Variants in GHDC observed in about 807,000 individuals in gnomAD.
GHDC encodes GH3 domain-containing protein.
Under a neutral mutation model 51.5 loss-of-function variants are expected in GHDC, and 39 were observed. The ratio of observed to expected loss-of-function variants is 0.76; its 90% confidence interval spans 0.59 to 0.99. The LOEUF is 0.99. Ranked by LOEUF, GHDC falls within the 50% of genes least tolerant of loss-of-function variation. The probability of loss-of-function intolerance (pLI) is 0.00; values close to 1 mark genes in which losing one functional copy is unlikely to be tolerated. For synonymous variants in GHDC, 282 were observed against 305.2 expected (o/e 0.92, Z 0.79); for missense variants, 610 against 672.8 (o/e 0.91, Z 1.03).
rs376684827 is a variant in GHDC at position 42,191,143 on chromosome 17, G to A, written c.957C>T (p.Pro319=). The A allele has an allele frequency of 1.3e-6, 2 of 1,551,312 alleles. No homozygotes were observed. Among genetic ancestry groups the A allele is most frequent in the African/African-American group, 1.4e-5 (1 of 71,896 alleles). ...HGLYLLPPGA[P]FIELLPVKEG... ...CCTTGACTGGGAGCAGCTCGATAAAGGGGGCCCCAGGGGGCAGAAGGTAGA... is the reference window on the plus strand; with the variant it reads ...CCTTGACTGGGAGCAGCTCGATAAAAGGGGCCCCAGGGGGCAGAAGGTAGA... Residue 319 remains proline, a synonymous_variant, in exon 6 of 10, where the codon CCC becomes CCT. Transcript: ENST00000587427.
At position 42,190,896 on chromosome 17, in the gene GHDC, G is replaced by A. The variant is rs367553148; in HGVS notation, c.1090C>T (p.Leu364=). The change falls in exon 7 of 10, where the codon CTG becomes TTG. Residue 364 remains leucine, a synonymous_variant. Coordinates refer to ENST00000587427, the MANE Select transcript of GHDC (RefSeq NM_032484.5). ...CCAACCACTCGCACCACATCACCCA[G>A]GCGGCACCTGATGGGGTGCAAGTGG... ...TDRASLTRCR[L]GDVVRVVGAY... 4.4e-6 allele frequency: 7 copies of A among 1,607,260 alleles called. No individual in the cohort carries two copies. Among genetic ancestry groups the A allele is most frequent in the African/African-American group, 4.0e-5 (3 of 74,458 alleles).
chr17:42,192,996 CA>C lies in GHDC; in HGVS notation c.296del (p.Leu99ArgfsTer40). The C allele has an allele frequency of 6.2e-7, 1 of 1,614,028 alleles. No homozygotes were observed. The highest frequency in any genetic ancestry group is 8.5e-7 in the Non-Finnish European group (1 of 1,180,018). Reference protein sequence around the residue: ...DISTFRNHLPLTKASQTQQED... With the variant: ...DISTFRNHLPXTKASQTQQED... ...CCTGCTGGGTCTGGCTGGCCTTGGT[CA>C]GAGGGAGATGATTCCGGAAGGTGCT... On this transcript the variant is annotated frameshift_variant, in exon 4 of 10. Transcript: ENST00000587427. LOFTEE classifies it high-confidence loss of function.
Position 42,192,993 on chromosome 17 carries a change from G to C in GHDC, c.300C>G (p.Thr100=), listed in dbSNP as rs747532592. Residue 100 remains threonine (T), a synonymous_variant, in exon 4 of 10, where the codon ACC becomes ACG. Transcript: ENST00000587427. ...CTTCCTGCTGGGTCTGGCTGGCCTT[G>C]GTCAGAGGGAGATGATTCCGGAAGG... is the stretch of plus-strand genomic sequence containing the variant. ...ISTFRNHLPL[T]KASQTQQEDS... is the part of the protein sequence containing the mutation. 2 of 1,614,032 alleles carry C rather than the reference G, an allele frequency of 1.2e-6. No individual in the cohort carries two copies. Among genetic ancestry groups the C allele is most frequent in the African/African-American group, 1.3e-5 (1 of 74,912 alleles).
In GHDC at chr17:42,189,786, A is replaced by C; in HGVS notation, c.1510T>G (p.Ser504Ala). ...ALRAALAACP[S>A]SPFPPAMPRV... ...GGCATCGCAGGGGGGAAGGGGGAGG[A>C]GGGGCAGGCAGCGAGGGCTGCCCGG... The change falls in exon 10 of 10, where the codon TCC (serine) becomes GCC (alanine). Residue 504 changes from serine (S) to alanine (A), a missense_variant. Ser to Ala is a moderately conservative substitution (Grantham distance 99, BLOSUM62 1). Coordinates refer to ENST00000587427, the MANE Select transcript of GHDC (RefSeq NM_032484.5). 1 of 1,541,912 alleles carries C rather than the reference A, an allele frequency of 6.5e-7. No homozygotes were observed. Among genetic ancestry groups the C allele is most frequent in the Admixed American group, 2.0e-5 (1 of 49,040 alleles).
rs756071072 is a variant in GHDC at position 42,192,569 on chromosome 17, C to A, written c.561G>T (p.Leu187=). Residue 187 remains leucine, a synonymous_variant, in exon 5 of 10, where the codon CTG becomes CTT. Transcript: ENST00000587427. ...TCAGCCCTGGGGACCTCAGTGCGTC[C>A]AGCAGCAGGGCCCTAGGGTCCTTGG... ...PGTKDPRALL[L]DALRSPGLRA... 2.3e-5 allele frequency: 37 copies of A among 1,613,666 alleles called. 1 individual carries two copies. Among genetic ancestry groups the A allele is most frequent in the Non-Finnish European group, 2.3e-5 (27 of 1,180,052 alleles).
Position 42,193,585 on chromosome 17 carries a change from CA to C in GHDC, c.-5del. 6.5e-7 allele frequency: 1 copy of C among 1,532,546 alleles called. No homozygotes were observed. Among genetic ancestry groups the C allele is most frequent in the South Asian group, 1.2e-5 (1 of 83,722 alleles). 94.9% of individuals were successfully genotyped at this position (1,532,546 alleles called of 1,614,324 possible). ...GCAGCAGTGGCCACAGCAGCATCTC[CA>C]AGCAGCTCCTGGGAAGAGGAAGGAA... On this transcript the variant is annotated 5_prime_UTR_variant, in exon 3 of 10. Coordinates refer to ENST00000587427, the MANE Select transcript of GHDC (RefSeq NM_032484.5).
At chr17:42,192,176 C>T in intron 5 of GHDC, 65 bp downstream of exon 5, 5 of 1,501,982 alleles carry the variant, frequency 3.3e-6, no homozygotes, top group Non-Finnish European at 4.4e-6. Context: ...GGGCCCAATG[C>T]ATGGCTGCTT....
In GHDC at chr17:42,191,021, GT is replaced by G. The variant is rs772444708; in HGVS notation, c.1078del (p.Thr360ProfsTer31). The G allele has an allele frequency of 1.3e-6, 2 of 1,572,850 alleles. No homozygotes were observed. Among genetic ancestry groups the G allele is most frequent in the South Asian group, 2.3e-5 (2 of 85,326 alleles). On this transcript the variant is annotated frameshift_variant, in exon 6 of 10. Coordinates refer to ENST00000587427, the MANE Select transcript of GHDC (RefSeq NM_032484.5). LOFTEE classifies it high-confidence loss of function. Reference protein sequence around the residue: ...ELVLTDRASLTRCRLGDVVRV... With the variant: ...ELVLTDRASLXRCRLGDVVRV... ...CAGGGGCTGTGCAGCTGATCACCTG[GT>G]GAGGCTGGCGCGGTCCGTCAGCACC... is the stretch of plus-strand genomic sequence containing the variant.
At position 42,189,596 on chromosome 17, in the gene GHDC, T is replaced by G; in HGVS notation, c.*107A>C. ...GCGGCTCTCATGGGCAAATGTCAGG[T>G]GACACAGAGTCAGAGACCCTGGCCA... On this transcript the variant is annotated 3_prime_UTR_variant, in exon 10 of 10. Transcript: ENST00000587427. The G allele has an allele frequency of 1.8e-6, 1 of 549,614 alleles. No homozygotes were observed. Among genetic ancestry groups the G allele is most frequent in the Non-Finnish European group, 3.0e-6 (1 of 330,558 alleles). 34.0% of individuals were successfully genotyped at this position (549,614 alleles called of 1,614,324 possible).
intron 2 of GHDC, 52 bp from the exon 3 acceptor site, chr17:42,193,646 C>G (rs2079988027): frequency 1.4e-6 from 2 of 1,480,292 alleles, no homozygotes; most frequent in Non-Finnish European, 1.8e-6. Flanking sequence ...TTATCCATTT[C>G]TCCTCCCACG....
intron 5 of GHDC, 81 bp from the exon 6 acceptor site, chr17:42,191,291 C>T: frequency 7.5e-7 from 1 of 1,331,536 alleles, no homozygotes; most frequent in Non-Finnish European, 9.9e-7. Flanking sequence ...GGATCCCAGG[C>T]CTGATCCTCT....
At position 42,192,245 on chromosome 17, in the gene GHDC, C is replaced by G; in HGVS notation, c.885G>C (p.Ser295=). The part of the protein sequence containing the change: ...LAFFSPAYAA[S]GGVLGLNLQP... The stretch of plus-strand genomic sequence containing the variant: ...CTGCCCTTGAGTCCCACTGACCTCC[C>G]GAGGCAGCATAAGCAGGAGAGAAGA... Residue 295 remains serine, a synonymous_variant, in exon 5 of 10, where the codon TCG becomes TCC. Coordinates refer to ENST00000587427, the MANE Select transcript of GHDC (RefSeq NM_032484.5). 1 of 1,532,958 alleles carries G rather than the reference C, an allele frequency of 6.5e-7. No homozygotes were observed. Among genetic ancestry groups the G allele is most frequent in the Non-Finnish European group, 8.8e-7 (1 of 1,140,144 alleles). 95.0% of individuals were successfully genotyped at this position (1,532,958 alleles called of 1,614,324 possible). A position where few individuals can be genotyped will look rare whatever the true frequency, so the allele number is the denominator to read the frequency against.
rs778785883 is a variant in GHDC at position 42,192,606 on chromosome 17, C to T, written c.524G>A (p.Gly175Asp). ...PWPGNTLGQV[G>D]TPGTKDPRAL... ...CCTAGGGTCCTTGGTTCCAGGGGTG[C>T]CCACCTGGCCCAGGGTATTCCCAGG... The change falls in exon 5 of 10, where the codon GGC (glycine) becomes GAC (aspartate). Residue 175 changes from glycine (G) to aspartate (D), a missense_variant. Gly to Asp is a moderately conservative substitution (Grantham distance 94). This residue lies in a region of GHDC where 198 missense variants were observed against 262.3 expected (regional missense o/e 0.75). Coordinates refer to ENST00000587427, the MANE Select transcript of GHDC (RefSeq NM_032484.5). The T allele has an allele frequency of 1.9e-6, 3 of 1,613,490 alleles. No individual in the cohort carries two copies. Among genetic ancestry groups the T allele is most frequent in the Non-Finnish European group, 2.5e-6 (3 of 1,179,958 alleles).
rs539395657 is a variant in GHDC at position 42,192,609 on chromosome 17, A to C, written c.521T>G (p.Val174Gly). Residue 174 changes from valine (V) to glycine (G), a missense_variant, in exon 5 of 10, where the codon GTG (valine) becomes GGG (glycine). This residue lies in a region of GHDC where 198 missense variants were observed against 262.3 expected (regional missense o/e 0.75). Coordinates refer to ENST00000587427, the MANE Select transcript of GHDC (RefSeq NM_032484.5). ...AGGGTCCTTGGTTCCAGGGGTGCCCACCTGGCCCAGGGTATTCCCAGGCCA... is the reference window on the plus strand; with the variant it reads ...AGGGTCCTTGGTTCCAGGGGTGCCCCCCTGGCCCAGGGTATTCCCAGGCCA... Reference protein sequence around the residue: ...LPWPGNTLGQVGTPGTKDPRA... With the variant: ...LPWPGNTLGQGGTPGTKDPRA... 5.0e-6 allele frequency: 8 copies of C among 1,613,436 alleles called. No homozygotes were observed. The highest frequency in any genetic ancestry group is 6.8e-6 in the Non-Finnish European group (8 of 1,179,924).
At chr17:42,190,332 T>C (rs1303233217) in intron 8 of GHDC, 62 bp from the exon 9 acceptor site, 1 of 1,613,622 alleles carries the variant, frequency 6.2e-7, no homozygotes, top group Non-Finnish European at 8.5e-7. Context: ...AAGTCTAGTG[T>C]CCTCTGCCCT....
rs201459066 is a variant in GHDC, at chr17:42,191,976, T to C, written c.889+265A>G. ...TGGGGTTTCGCCATGTTGGCCAGGCTGGTCTGGAACTCCTGACCTCAACGA... is the reference window on the plus strand; with the variant it reads ...TGGGGTTTCGCCATGTTGGCCAGGCCGGTCTGGAACTCCTGACCTCAACGA... On this transcript the variant is annotated intron_variant, in intron 5 of 9. Coordinates refer to ENST00000587427, the MANE Select transcript of GHDC (RefSeq NM_032484.5). Among the ~76,000 whole-genome samples the C allele has an allele frequency of 3.9e-5, 6 of 152,224 alleles. No homozygotes were observed. The East Asian group carries it at 9.7e-4, about 25-fold the overall frequency.
intron 5 of GHDC, among the ~76,000 whole-genome samples, chr17:42,191,758 CTTTT>C (rs71357532): frequency 3.0e-5 from 3 of 101,092 alleles, no homozygotes; most frequent in Admixed American, 1.1e-4. Flanking sequence ...CTGCCCCGGC[CTTTT>C]TTTTTTTTTT....
chr17:42,191,100 C>A lies in GHDC; in HGVS notation c.1000G>T (p.Ala334Ser). 2.5e-6 allele frequency: 4 copies of A among 1,573,576 alleles called. No homozygotes were observed. Among genetic ancestry groups the A allele is most frequent in the Admixed American group, 2.0e-5 (1 of 50,426 alleles). The change falls in exon 6 of 10, where the codon GCT (alanine) becomes TCT (serine). Residue 334 changes from alanine to serine, a missense_variant. Ala to Ser is a moderately conservative substitution (Grantham distance 99). Transcript: ENST00000587427. ...TCGGCCAAAAGGAGGGTGGAGGCAG[C>A]TTCCTCCTGGGTGCCTTCCTTGACT... ...LPVKEGTQEE[A>S]ASTLLLAEAQ...
rs71377267 is a variant in GHDC, at chr17:42,189,435, G to A, written c.*268C>T. ...TTGGGCTGTGATACAGGAAACCATC[G>A]GTGTGCATGGTAACTCTCTAGCAGT... On this transcript the variant is annotated 3_prime_UTR_variant, in exon 10 of 10. Transcript: ENST00000587427. 4.0e-5 allele frequency: 16 copies of A among 395,514 alleles called. No individual in the cohort carries two copies. Among genetic ancestry groups the A allele is most frequent in the East Asian group, 2.9e-4 (8 of 27,732 alleles). The allele number at this position is 395,514 out of a possible 1,614,324, so 24.5% of individuals were successfully genotyped here. A position where few individuals can be genotyped will look rare whatever the true frequency, so the allele number is the denominator to read the frequency against.
Sources: gnomAD v4.1 joint callset for allele counts (sites outside exome capture counted in the v4.1 genomes callset) on GRCh38, gnomAD v4.1.1 for gene constraint, gnomAD v4.1.1 regional missense constraint, MANE v1.5 for transcripts, NCBI Gene and HGNC (gene_info 2026-07-23, HGNC 2026-07-21) for gene names.